MACROD2: variants seen among roughly 807,000 people sequenced by gnomAD.
The protein encoded by MACROD2 is mono-ADP ribosylhydrolase 2.
Under a neutral mutation model 70.4 loss-of-function variants are expected in MACROD2, and 36 were observed. The observed-to-expected ratio is 0.51, with a 90% confidence interval of 0.39 to 0.68. The LOEUF (loss-of-function observed/expected upper bound fraction) is 0.68, where lower values mean the gene tolerates loss of function less well. MACROD2 is among the 30% of genes least tolerant of loss of function. The probability of loss-of-function intolerance (pLI) is 0.00; values close to 1 mark genes in which losing one functional copy is unlikely to be tolerated. For missense variants in MACROD2, 496 were observed against 538.4 expected (o/e 0.92, Z 0.78); for synonymous variants, 172 against 178.8 (o/e 0.96, Z 0.30).
intron 8 of MACROD2, among the ~76,000 whole-genome samples, chr20:15,819,332 T>C (rs1176032321): frequency 1.4e-5 from 2 of 142,234 alleles, no homozygotes; most frequent in Non-Finnish European, 3.0e-5. Context: ...TAAATATAAA[T>C]ATATAAGTAT....
intron 5 of MACROD2, among the ~76,000 whole-genome samples, chr20:15,215,252 TTGTGTGTGTGTGTGTGTGTG>T (rs376439581): frequency 3.0e-5 from 4 of 135,548 alleles, no homozygotes; most frequent in Non-Finnish European, 4.7e-5. Flanking sequence ...CTCCTGTATT[TTGTGTGTGTGTGTGTGTGTG>T]TGTGTGTGTG....
intron 8 of MACROD2, among the ~76,000 whole-genome samples, chr20:15,713,879 GC>G (rs1330951545): frequency 6.6e-6 from 1 of 152,024 alleles, no homozygotes; most frequent in Non-Finnish European, 1.5e-5. Flanking sequence ...AATCCAAGGG[GC>G]CAGGAGGGAA....
At chr20:14,785,174 A>C (rs6042919) in intron 5 of MACROD2, among the ~76,000 whole-genome samples, 13,705 of 150,942 alleles carry the variant, frequency 0.091, 813 homozygotes, top group African/African-American at 0.17. Context: ...AACACACACA[A>C]ACACACACAC....
At chr20:15,289,512 G>C (rs1466596500) in intron 6 of MACROD2, among the ~76,000 whole-genome samples, 2 of 152,200 alleles carry the variant, frequency 1.3e-5, no homozygotes, top group African/African-American at 4.8e-5. Context: ...TGAGAACCGG[G>C]TGCACATCGG....
At chr20:15,168,398 G>A (rs544896186) in intron 5 of MACROD2, among the ~76,000 whole-genome samples, 8 of 151,258 alleles carry the variant, frequency 5.3e-5, no homozygotes, top group South Asian at 2.1e-4. Flanking sequence ...AAAGTTTGCC[G>A]ACATGGTCAG....
Position 15,349,280 on chromosome 20 carries a change from A to C in MACROD2, c.541-82125A>C, listed in dbSNP as rs190408742. On this transcript the variant is annotated intron_variant, in intron 6 of 17. Coordinates refer to ENST00000684519, the MANE Select transcript of MACROD2 (RefSeq NM_001351661.2). ...ATTTGCTAGAAATGTATCCTTTTTC[A>C]TTCATCTGCTGGAGTTTTTTATATT... Among the ~76,000 whole-genome samples the C allele has an allele frequency of 3.3e-3, 496 of 152,226 alleles. 2 individuals carry two copies. Among genetic ancestry groups the C allele is most frequent in the Non-Finnish European group, 5.5e-3 (376 of 68,008 alleles).
At chr20:14,731,168 C>A (rs2071593273) in intron 5 of MACROD2, among the ~76,000 whole-genome samples, 1 of 151,980 alleles carries the variant, frequency 6.6e-6, no homozygotes, top group Non-Finnish European at 1.5e-5. Flanking sequence ...TAAAAGAAAT[C>A]ATATGTTTAA....
chr20:14,284,121 TG>T (rs2082326665), intron 3 of MACROD2, among the ~76,000 whole-genome samples: 1 of 152,200 alleles, frequency 6.6e-6, no homozygotes, highest in African/African-American at 2.4e-5. Context: ...TTCTTTCCAT[TG>T]CAAAATGGCA....
At chr20:14,966,399 G>A (rs946737801) in intron 5 of MACROD2, among the ~76,000 whole-genome samples, 16 of 152,068 alleles carry the variant, frequency 1.1e-4, no homozygotes, top group African/African-American at 3.6e-4. Flanking sequence ...AGCATAGTGA[G>A]ACTCCATTTC....
At chr20:14,050,295 A>G (rs79570783) in intron 2 of MACROD2, among the ~76,000 whole-genome samples, 163 of 152,284 alleles carry the variant, frequency 1.1e-3, no homozygotes, top group African/African-American at 3.8e-3. Flanking sequence ...ATATGGGAAG[A>G]AGGAAAGGAA....
chr20:16,019,400 G>A (rs2066971722), intron 15 of MACROD2, among the ~76,000 whole-genome samples: 3 of 152,116 alleles, frequency 2.0e-5, no homozygotes, highest in Non-Finnish European at 4.4e-5. Context: ...GATGGGGGTG[G>A]GTTGGATGTT....
At chr20:14,341,014 A>G (rs890004617) in intron 3 of MACROD2, among the ~76,000 whole-genome samples, 3 of 152,210 alleles carry the variant, frequency 2.0e-5, no homozygotes, top group African/African-American at 7.2e-5. Context: ...TCTGTCTTTT[A>G]GTTACCAACT....
intron 5 of MACROD2, among the ~76,000 whole-genome samples, chr20:14,818,477 T>C (rs2072799111): frequency 6.6e-6 from 1 of 152,054 alleles, no homozygotes; most frequent in South Asian, 2.1e-4. Flanking sequence ...TAATATCTTG[T>C]TTTTCTATTC....
rs986028927 is a variant in MACROD2 at position 15,677,545 on chromosome 20, C to T, written c.645+177698C>T. On this transcript the variant is annotated intron_variant, in intron 8 of 17. Transcript: ENST00000684519. ...GAGCCTTTGGTGACTACTGCTACTA[C>T]CAGGAATAGCTGTGGATAGAGAAGA... Among the ~76,000 whole-genome samples, 49 of 152,106 alleles carry T rather than the reference C, an allele frequency of 3.2e-4. 1 individual carries two copies. Among genetic ancestry groups the T allele is most frequent in the Admixed American group, 6.5e-5 (1 of 15,272 alleles).
intron 3 of MACROD2, among the ~76,000 whole-genome samples, chr20:14,230,671 ATATATATATATATATAT>A (rs2081799918): frequency 1.2e-4 from 1 of 8,528 alleles, no homozygotes; most frequent in Non-Finnish European, 3.2e-4. Flanking sequence ...GGCTGGGCCT[ATATATATATATATATAT>A]ATATATATAT....
intron 8 of MACROD2, among the ~76,000 whole-genome samples, chr20:15,521,337 G>A (rs1365015245): frequency 6.6e-6 from 1 of 152,192 alleles, no homozygotes; most frequent in Non-Finnish European, 1.5e-5. Flanking sequence ...GTCGACTCTG[G>A]TTAATTGGCA....
intron 3 of MACROD2, among the ~76,000 whole-genome samples, chr20:14,220,490 C>T (rs1486558677): frequency 6.6e-6 from 1 of 152,168 alleles, no homozygotes; most frequent in Admixed American, 6.5e-5. Flanking sequence ...CTTGGTTCTT[C>T]CCCTGCCTGT....
At chr20:15,069,050 A>G (rs908435276) in intron 5 of MACROD2, among the ~76,000 whole-genome samples, 2 of 152,280 alleles carry the variant, frequency 1.3e-5, no homozygotes, top group South Asian at 4.1e-4. Context: ...GTTATTGGGA[A>G]CTAGTGTAGA....
rs1464510509 is a variant in MACROD2, at chr20:14,113,865, C to T, written c.271+28137C>T. 2.0e-5 allele frequency among the ~76,000 whole-genome samples: 3 copies of T among 152,030 alleles called. No individual in the cohort carries two copies. The East Asian group carries it at 5.8e-4, about 29-fold the overall frequency. On this transcript the variant is annotated intron_variant, in intron 3 of 17. Transcript: ENST00000684519. ...TCTTAAAATATTTGGATGCTGCTAG[C>T]ATTTGATGGTATGCCCATGGAGGTG... is the stretch of plus-strand genomic sequence containing the variant.
Sources: gnomAD v4.1 joint callset for allele counts (sites outside exome capture counted in the v4.1 genomes callset) on GRCh38, gnomAD v4.1.1 for gene constraint, MANE v1.5 for transcripts, NCBI Gene and HGNC (gene_info 2026-07-23, HGNC 2026-07-21) for gene names.